Variants in CLYBL observed in about 807,000 individuals in gnomAD.
CLYBL encodes citramalyl-CoA lyase, mitochondrial.
In CLYBL, 31 loss-of-function variants were observed where a neutral mutation model predicts 38.9. The ratio of observed to expected loss-of-function variants is 0.80; its 90% CI spans 0.60 to 1.08. CLYBL has a LOEUF of 1.08. CLYBL is among the 50% of genes least tolerant of loss of function. The pLI, the probability that CLYBL is intolerant of heterozygous loss-of-function variation, is 0.00. For synonymous variants in CLYBL, 171 were observed against 158.6 expected, an observed-to-expected ratio of 1.08 and a Z score of -0.59; for missense variants, 434 against 411.6, an observed-to-expected ratio of 1.05 and a Z score of -0.47.
At chr13:99,834,505 G>A (rs1342873164) in intron 2 of CLYBL, among the ~76,000 whole-genome samples, 2 of 152,164 alleles carry the variant, frequency 1.3e-5, no homozygotes, top group Non-Finnish European at 2.9e-5. Flanking sequence ...CTTCAGGAGG[G>A]AGCTCCACTG....
intron 2 of CLYBL, among the ~76,000 whole-genome samples, chr13:99,791,980 A>T (rs2049927608): frequency 6.6e-6 from 1 of 152,180 alleles, no homozygotes; most frequent in Admixed American, 6.5e-5. Flanking sequence ...AAAGACTCTA[A>T]TGCCAGAAAA....
At position 99,858,871 on chromosome 13, in the gene CLYBL, G is replaced by A. The variant is rs1440832118; in HGVS notation, c.260G>A (p.Arg87Gln). The A allele has an allele frequency of 1.2e-6, 2 of 1,600,888 alleles. No homozygotes were observed. The highest frequency in any genetic ancestry group is 8.5e-7 in the Non-Finnish European group (1 of 1,175,254). The change falls in exon 3 of 9, where the codon CGA becomes CAA. Residue 87 changes from arginine to glutamine, a missense_variant. Transcript: ENST00000339105. ...TATTGACACTTACAGAATGAAGCTC[G>A]ACTGAGAATTGTAAAAACTCTTGAA... is the stretch of plus-strand genomic sequence containing the variant. The part of the protein sequence containing the change: ...GVAANKKNEA[R>Q]LRIVKTLEDI...
At position 99,892,309 on chromosome 13, in the gene CLYBL, G is replaced by A. The variant is rs541152243; in HGVS notation, c.*25-134G>A. ...TTTGCATCACATTAGAGATGCGGCT[G>A]CAGGTCAGATGGGTGGTGTGGTTAA... On this transcript the variant is annotated intron_variant, in intron 8 of 8. Coordinates refer to ENST00000339105, the MANE Select transcript of CLYBL (RefSeq NM_206808.5). The A allele has an allele frequency of 2.6e-5, 4 of 152,422 alleles. No homozygotes were observed. The East Asian group carries it at 7.7e-4, about 29-fold the overall frequency. The allele number at this position is 152,422 out of a possible 1,614,324, so 9.4% of individuals were successfully genotyped here.
At chr13:99,700,639 G>A (rs1050453813) in intron 1 of CLYBL, among the ~76,000 whole-genome samples, 1 of 152,102 alleles carries the variant, frequency 6.6e-6, no homozygotes, top group African/African-American at 2.4e-5. Context: ...CAGCTGAGGG[G>A]CCCCGAAGCC....
At chr13:99,633,134 G>A (rs756668920) in intron 1 of CLYBL, among the ~76,000 whole-genome samples, 2 of 145,818 alleles carry the variant, frequency 1.4e-5, no homozygotes, top group Non-Finnish European at 3.0e-5. Context: ...TCTCTTGAAC[G>A]TGGGAGGCAG....
intron 2 of CLYBL, among the ~76,000 whole-genome samples, chr13:99,847,579 C>T (rs904081201): frequency 3.3e-5 from 5 of 152,172 alleles, no homozygotes; most frequent in African/African-American, 7.2e-5. Context: ...TTAGAAGGCA[C>T]GTGCCAGGGA....
At chr13:99,675,177 A>G (rs1405837353) in intron 1 of CLYBL, among the ~76,000 whole-genome samples, 3 of 152,190 alleles carry the variant, frequency 2.0e-5, no homozygotes, top group African/African-American at 7.2e-5. Flanking sequence ...GGGGCAGACA[A>G]TATTTAAATG....
intron 1 of CLYBL, among the ~76,000 whole-genome samples, chr13:99,733,224 A>G (rs1424363306): frequency 6.6e-6 from 1 of 152,134 alleles, no homozygotes; most frequent in East Asian, 1.9e-4. Context: ...TTAAGATCTC[A>G]TAATCCCAAT....
intron 2 of CLYBL, among the ~76,000 whole-genome samples, chr13:99,805,773 A>T (rs909617477): frequency 1.3e-5 from 2 of 152,174 alleles, no homozygotes; most frequent in Non-Finnish European, 2.9e-5. Flanking sequence ...AATATCTTTA[A>T]GAGGGAAGAA....
intron 1 of CLYBL, among the ~76,000 whole-genome samples, chr13:99,622,146 C>T (rs2046807773): frequency 6.6e-6 from 1 of 152,226 alleles, no homozygotes; most frequent in African/African-American, 2.4e-5. Context: ...CACCCTTTTC[C>T]ACTTAGAAGC....
At chr13:99,870,652 G>A (rs1210021470) in intron 6 of CLYBL, among the ~76,000 whole-genome samples, 1 of 152,108 alleles carries the variant, frequency 6.6e-6, no homozygotes, top group Non-Finnish European at 1.5e-5. Context: ...TGCCTAGTCA[G>A]CCCACCTGTA....
At position 99,760,202 on chromosome 13, in the gene CLYBL, C is replaced by T. The variant is rs571939305; in HGVS notation, c.63-12622C>T. Reference sequence around the variant, plus strand: ...CATTGCTGATTTTAGTAATTTGAGTCTTCTTTTTTCTTAGCCTACTAGCTA... The same window carrying T: ...CATTGCTGATTTTAGTAATTTGAGTTTTCTTTTTTCTTAGCCTACTAGCTA... On this transcript the variant is annotated intron_variant, in intron 1 of 8. Coordinates refer to ENST00000339105, the MANE Select transcript of CLYBL (RefSeq NM_206808.5). Among the ~76,000 whole-genome samples the T allele has an allele frequency of 7.9e-5, 12 of 152,180 alleles. No homozygotes were observed. In the South Asian group the frequency reaches 8.3e-4, roughly 11 times the overall value.
At chr13:99,634,588 T>C (rs1594093745) in intron 1 of CLYBL, among the ~76,000 whole-genome samples, 2 of 152,338 alleles carry the variant, frequency 1.3e-5, no homozygotes, top group East Asian at 1.9e-4. Context: ...GCTTGGAGTA[T>C]GAAAAAGGAG....
At chr13:99,692,283 T>TTTTG (rs2047915238) in intron 1 of CLYBL, among the ~76,000 whole-genome samples, 1 of 118,008 alleles carries the variant, frequency 8.5e-6, no homozygotes, top group African/African-American at 2.6e-5. Flanking sequence ...ATTTGTTTTT[T>TTTTG]TTGTTTTTTT....
chr13:99,892,564 G>A lies in CLYBL; in HGVS notation c.*146G>A, dbSNP rs2052514438. 1 of 152,630 alleles carries A rather than the reference G, an allele frequency of 6.6e-6. No individual in the cohort carries two copies. Among genetic ancestry groups the A allele is most frequent in the Admixed American group, 6.5e-5 (1 of 15,278 alleles). The allele number at this position is 152,630 out of a possible 1,614,324, so 9.5% of individuals were successfully genotyped here. A position where few individuals can be genotyped will look rare whatever the true frequency, so the allele number is the denominator to read the frequency against. ...TCCTCATTAAATCATGAGCTTTTGT[G>A]CCGAGACTCTGGACGACTGTTCCTT... On this transcript the variant is annotated 3_prime_UTR_variant, in exon 9 of 9. Coordinates refer to ENST00000339105, the MANE Select transcript of CLYBL (RefSeq NM_206808.5).
At chr13:99,704,543 A>G (rs1275492660) in intron 1 of CLYBL, among the ~76,000 whole-genome samples, 1 of 152,178 alleles carries the variant, frequency 6.6e-6, no homozygotes. Flanking sequence ...ACAACAATGC[A>G]TTTCTTTCTT....
chr13:99,631,465 A>G (rs1017068416), intron 1 of CLYBL, among the ~76,000 whole-genome samples: 2 of 152,090 alleles, frequency 1.3e-5, no homozygotes, highest in African/African-American at 4.8e-5. Flanking sequence ...TAAATTGAAG[A>G]TTCATTAAAT....
intron 2 of CLYBL, among the ~76,000 whole-genome samples, chr13:99,790,002 A>G (rs1229859047): frequency 6.6e-6 from 1 of 152,076 alleles, no homozygotes; most frequent in Non-Finnish European, 1.5e-5. Context: ...CTGTTTTATC[A>G]AAGACTAGGA....
chr13:99,849,891 C>G lies in CLYBL; in HGVS notation c.250-8970C>G, dbSNP rs73559317. ...AGCCCCTTCTTTCCACTGGAGTTTT[C>G]TCTTTCCTGGGAATTTCATTGTATT... On this transcript the variant is annotated intron_variant, in intron 2 of 8. Transcript: ENST00000339105. This position sits in a 1 kb window ranked among gnomAD's most constrained non-coding sequence, Gnocchi z 4.9. Among the ~76,000 whole-genome samples the G allele has an allele frequency of 0.012, 1,752 of 152,278 alleles. 24 individuals are homozygous for G. The highest frequency in any genetic ancestry group is 0.044 in the Middle Eastern group (13 of 294).
Sources: allele counts gnomAD v4.1 joint callset (sites outside exome capture counted in the v4.1 genomes callset), GRCh38; gene constraint gnomAD v4.1.1; non-coding constraint Gnocchi (gnomAD v3.1); transcripts MANE v1.5; gene names NCBI Gene and HGNC (gene_info 2026-07-23, HGNC 2026-07-21).